DCDC1: variants seen among roughly 807,000 people sequenced by gnomAD.
The protein encoded by DCDC1 is doublecortin domain containing 1.
A neutral mutation model predicts 178.3 loss-of-function variants in DCDC1; 200 were observed. The observed-to-expected ratio is 1.12, with a 90% CI of 1.00 to 1.26. DCDC1 has a LOEUF of 1.26. Ranked by LOEUF, DCDC1 falls within the 50% of genes most tolerant of loss-of-function variation. The pLI is 0.00. For synonymous variants in DCDC1, 690 were observed against 604.8 expected (o/e 1.14, Z -2.07); for missense variants, 1,983 against 1,749.2 (o/e 1.13, Z -2.38).
chr11:31,210,361 T>C (rs1972349032), intron 9 of DCDC1, among the ~76,000 whole-genome samples: 1 of 152,224 alleles, frequency 6.6e-6, no homozygotes, highest in African/African-American at 2.4e-5. Flanking sequence ...GGAATGTTTA[T>C]TGACTGAATG....
intron 3 of DCDC1, among the ~76,000 whole-genome samples, chr11:31,324,121 G>C (rs1949522232): frequency 6.6e-6 from 1 of 152,032 alleles, no homozygotes; most frequent in Non-Finnish European, 1.5e-5. Context: ...GCAACTCAAT[G>C]ATTGAATAAT....
intron 1 of DCDC1, among the ~76,000 whole-genome samples, chr11:31,353,738 C>T (rs752179499): frequency 2.0e-4 from 30 of 152,128 alleles, no homozygotes; most frequent in Non-Finnish European, 3.2e-4. Flanking sequence ...TGCTAAACTT[C>T]GAAGCATGAA....
chr11:30,980,863 C>G (rs775823517), intron 20 of DCDC1, among the ~76,000 whole-genome samples: 5 of 152,052 alleles, frequency 3.3e-5, no homozygotes, highest in Non-Finnish European at 7.3e-5. Context: ...TGTGCATCTG[C>G]CCAAAGGAAG....
intron 8 of DCDC1, among the ~76,000 whole-genome samples, chr11:31,242,376 A>T (rs1224801324): frequency 6.6e-6 from 1 of 151,956 alleles, no homozygotes; most frequent in Non-Finnish European, 1.5e-5. Context: ...CTAGTGTAAA[A>T]TAGTCCAATA....
chr11:31,177,859 C>A (rs969365166), intron 9 of DCDC1, among the ~76,000 whole-genome samples: 1 of 151,930 alleles, frequency 6.6e-6, no homozygotes, highest in African/African-American at 2.4e-5. Context: ...AACACTGGAG[C>A]CCCCACATAT....
At chr11:31,133,349 G>A (rs529796354) in intron 10 of DCDC1, among the ~76,000 whole-genome samples, 9 of 152,270 alleles carry the variant, frequency 5.9e-5, no homozygotes, top group Non-Finnish European at 1.0e-4. Context: ...TGTAACACAC[G>A]GAATGGTCTC....
intron 9 of DCDC1, among the ~76,000 whole-genome samples, chr11:31,212,100 A>C (rs2136539520): frequency 1.3e-5 from 2 of 149,760 alleles, no homozygotes; most frequent in South Asian, 4.3e-4. Context: ...AAAAAAAAAC[A>C]GCTAAGCATA....
intron 20 of DCDC1, among the ~76,000 whole-genome samples, chr11:30,998,007 G>A (rs992182220): frequency 1.3e-5 from 2 of 152,026 alleles, no homozygotes; most frequent in African/African-American, 2.4e-5. Flanking sequence ...AAAGAAAGGG[G>A]GTGGGGGCAG....
chr11:30,983,731 A>G (rs1216664071), intron 20 of DCDC1, among the ~76,000 whole-genome samples: 2 of 152,178 alleles, frequency 1.3e-5, no homozygotes. Flanking sequence ...ATTTTTTCAC[A>G]TTATATCTTT....
intron 18 of DCDC1, among the ~76,000 whole-genome samples, chr11:31,074,014 C>G (rs1215284026): frequency 2.0e-5 from 3 of 152,050 alleles, no homozygotes; most frequent in Non-Finnish European, 4.4e-5. Flanking sequence ...AGATACAAAC[C>G]ACATAGTAAT....
intron 10 of DCDC1, among the ~76,000 whole-genome samples, chr11:31,133,536 T>A (rs1962721976): frequency 6.6e-6 from 1 of 152,194 alleles, no homozygotes; most frequent in South Asian, 2.1e-4. Flanking sequence ...AACAGAACCC[T>A]AATTTGTTGA....
chr11:30,990,686 C>G (rs533587721), intron 20 of DCDC1, among the ~76,000 whole-genome samples: 1 of 152,306 alleles, frequency 6.6e-6, no homozygotes, highest in South Asian at 2.1e-4. Flanking sequence ...ATTTAGTTTA[C>G]ACTAATAACA....
chr11:31,342,897 T>C (rs1385427784), intron 1 of DCDC1, among the ~76,000 whole-genome samples: 2 of 152,226 alleles, frequency 1.3e-5, no homozygotes, highest in Non-Finnish European at 2.9e-5. Context: ...TGCACAATTA[T>C]AATCCTAACT....
In DCDC1 at chr11:31,027,525, G is replaced by A. The variant is rs1432108909; in HGVS notation, c.2591+36944C>T. Among the ~76,000 whole-genome samples, 3 of 151,710 alleles carry A rather than the reference G, an allele frequency of 2.0e-5. No homozygotes were observed. The East Asian group carries it at 5.8e-4, about 29-fold the overall frequency. ...CAGAAATAACACTTGTTGATTACTT[G>A]GAAAGAAAGCAGATAATTTCAAGTA... On this transcript the variant is annotated intron_variant, in intron 20 of 38. Transcript: ENST00000684477.
chr11:31,298,355 C>G (rs575865528), intron 6 of DCDC1, among the ~76,000 whole-genome samples: 1 of 152,174 alleles, frequency 6.6e-6, no homozygotes, highest in Non-Finnish European at 1.5e-5. Context: ...CAGACCTAGA[C>G]CTGTCCCAGT....
intron 21 of DCDC1, chr11:30,943,573 G>T: frequency 2.5e-6 from 1 of 401,088 alleles, no homozygotes; most frequent in East Asian, 7.5e-5. Flanking sequence ...AAAATCCATT[G>T]CTCCTTACCT....
At chr11:31,015,075 T>C (rs1335346891) in intron 20 of DCDC1, among the ~76,000 whole-genome samples, 1 of 151,850 alleles carries the variant, frequency 6.6e-6, no homozygotes, top group East Asian at 1.9e-4. Context: ...GCCTCCCAAG[T>C]AGCTGGGACT....
intron 9 of DCDC1, among the ~76,000 whole-genome samples, chr11:31,186,322 C>T (rs575392804): frequency 1.5e-4 from 23 of 152,316 alleles, no homozygotes; most frequent in African/African-American, 5.5e-4. Flanking sequence ...CTTATTCCCC[C>T]AGCTTGACTA....
At chr11:31,296,869 A>C (rs1336028198) in intron 6 of DCDC1, among the ~76,000 whole-genome samples, 1 of 152,036 alleles carries the variant, frequency 6.6e-6, no homozygotes, top group South Asian at 2.1e-4. Context: ...GACCACCCCC[A>C]TGATCTAATT....
Sources: allele counts gnomAD v4.1 joint callset (sites outside exome capture counted in the v4.1 genomes callset), GRCh38; gene constraint gnomAD v4.1.1; transcripts MANE v1.5; gene names NCBI Gene and HGNC (gene_info 2026-07-23, HGNC 2026-07-21).